BST1: variants seen among roughly 807,000 people sequenced by gnomAD.
The protein encoded by BST1 is ADP-ribosyl cyclase/cyclic ADP-ribose hydrolase 2.
In BST1, 49 loss-of-function variants were observed where a neutral mutation model predicts 40.6. The ratio of observed to expected loss-of-function variants is 1.21; its 90% confidence interval spans 0.96 to 1.53. The LOEUF (loss-of-function observed/expected upper bound fraction) is 1.53. Ranked by LOEUF, BST1 falls within the 40% of genes most tolerant of loss-of-function variation. The pLI, the probability that BST1 is intolerant of heterozygous loss-of-function variation, is 0.00. For synonymous variants in BST1, 157 were observed against 159.3 expected, an observed-to-expected ratio of 0.99 and a Z score of 0.11; for missense variants, 423 against 395.9, an observed-to-expected ratio of 1.07 and a Z score of -0.58.
chr4:15,725,784 C>T (rs1721061558), intron 8 of BST1, among the ~76,000 whole-genome samples: 1 of 152,046 alleles, frequency 6.6e-6, no homozygotes, highest in Non-Finnish European at 1.5e-5. Context: ...TGTCAGTTTT[C>T]TTATCTACAA....
chr4:15,736,600 A>G (rs575608818), downstream of BST1, among the ~76,000 whole-genome samples: 1 of 145,696 alleles, frequency 6.9e-6, no homozygotes, highest in South Asian at 2.2e-4. Flanking sequence ...ATAGAGTGAG[A>G]CTCTGTCTCC....
At chr4:15,753,037 A>T in the BST1 span, among the ~76,000 whole-genome samples, 6 of 151,702 alleles carry the variant, frequency 4.0e-5, no homozygotes, top group African/African-American at 1.5e-4. Context: ...ACTAAGAAAT[A>T]TTTAAATATA....
the BST1 span, among the ~76,000 whole-genome samples, chr4:15,762,103 C>T: frequency 4.2e-5 from 6 of 142,540 alleles, no homozygotes; most frequent in African/African-American, 1.3e-4. Flanking sequence ...GCAGAAGAAT[C>T]GCTTGAACCT....
At chr4:15,729,778 G>A (rs1721286789) in intron 8 of BST1, among the ~76,000 whole-genome samples, 1 of 152,106 alleles carries the variant, frequency 6.6e-6, no homozygotes, top group African/African-American at 2.4e-5. Context: ...CATGAACCGA[G>A]ACATGTAAAC....
chr4:15,741,877 T>C (rs1234884726), downstream of BST1, among the ~76,000 whole-genome samples: 1 of 152,246 alleles, frequency 6.6e-6, no homozygotes, highest in Non-Finnish European at 1.5e-5. Flanking sequence ...GCCTAAAGTC[T>C]GAGGGATTCA....
the BST1 span, among the ~76,000 whole-genome samples, chr4:15,747,635 C>T: frequency 6.6e-6 from 1 of 152,154 alleles, no homozygotes; most frequent in Non-Finnish European, 1.5e-5. Context: ...AGCCAAAGCA[C>T]AGTAGTAAAT....
chr4:15,717,068 C>G (rs1292568983), intron 6 of BST1, among the ~76,000 whole-genome samples: 2 of 152,134 alleles, frequency 1.3e-5, no homozygotes, highest in African/African-American at 4.8e-5. Flanking sequence ...GCATGAGCCA[C>G]CATGCCCGTC....
Position 15,722,906 on chromosome 4 carries a change from AG to A in BST1, c.824del (p.Ser275ThrfsTer8). ...PVKLLQCVDH[S>X]THPDCALKSA... ...GAAGCTCTTACAGTGCGTGGACCAC[AG>A]CACCCATCCTGACTGTGCCTTAAAG... On this transcript the variant is annotated frameshift_variant, in exon 8 of 9. Coordinates refer to ENST00000265016, the MANE Select transcript of BST1 (RefSeq NM_004334.3). LOFTEE classifies it low-confidence loss of function (END_TRUNC). The A allele has an allele frequency of 6.2e-7, 1 of 1,613,884 alleles. No individual in the cohort carries two copies. The highest frequency in any genetic ancestry group is 8.5e-7 in the Non-Finnish European group (1 of 1,179,816).
downstream of BST1, among the ~76,000 whole-genome samples, chr4:15,739,469 A>T (rs1217094652): frequency 2.0e-5 from 3 of 152,096 alleles, no homozygotes; most frequent in Non-Finnish European, 4.4e-5. Context: ...TCATGTAGCT[A>T]TTAAAGGGTA....
chr4:15,739,585 GTGTGTGTGTA>G (rs1425132543), downstream of BST1, among the ~76,000 whole-genome samples: 79 of 144,978 alleles, frequency 5.4e-4, no homozygotes, highest in African/African-American at 1.9e-3. Flanking sequence ...GTGTGTGTGT[GTGTGTGTGTA>G]TTTCTCCCCT....
chr4:15,726,995 C>T lies in BST1; in HGVS notation c.851+4061C>T, dbSNP rs148226341. Among the ~76,000 whole-genome samples, 172 of 152,028 alleles carry T rather than the reference C, an allele frequency of 1.1e-3. 2 individuals carry two copies. The highest frequency in any genetic ancestry group is 3.8e-3 in the African/African-American group (159 of 41,454). On this transcript the variant is annotated intron_variant, in intron 8 of 8. Coordinates refer to ENST00000265016, the MANE Select transcript of BST1 (RefSeq NM_004334.3). ...AAGCAATTCCCCTGCTTCAGCCTCC[C>T]GAGTTTTCCTCAGTATTTCTGAGCA... is the stretch of plus-strand genomic sequence containing the variant.
At chr4:15,750,693 A>G in the BST1 span, among the ~76,000 whole-genome samples, 1 of 152,240 alleles carries the variant, frequency 6.6e-6, no homozygotes, top group South Asian at 2.1e-4. Context: ...AGATAAAAGA[A>G]TATAAAATAT....
At chr4:15,763,203 T>C in the BST1 span, among the ~76,000 whole-genome samples, 1 of 151,932 alleles carries the variant, frequency 6.6e-6, no homozygotes, top group African/African-American at 2.4e-5. Flanking sequence ...CTTTAGAATA[T>C]GTTTTAAAAT....
intron 7 of BST1, among the ~76,000 whole-genome samples, chr4:15,719,718 T>C (rs1720705669): frequency 6.6e-6 from 1 of 152,192 alleles, no homozygotes; most frequent in Admixed American, 6.5e-5. Context: ...TGGTCTTTTG[T>C]TGCCTAACAC....
At chr4:15,748,143 C>T in the BST1 span, among the ~76,000 whole-genome samples, 3 of 152,216 alleles carry the variant, frequency 2.0e-5, no homozygotes, top group African/African-American at 4.8e-5. Flanking sequence ...TTGTATATTA[C>T]GTACCACCAT....
the BST1 span, among the ~76,000 whole-genome samples, chr4:15,772,842 C>CA: frequency 4.8e-3 from 734 of 152,200 alleles, 4 homozygotes; most frequent in African/African-American, 0.017. Context: ...TGGTTGGGGA[C>CA]AGAGAGAAGG....
chr4:15,717,900 C>A (rs937772374), intron 6 of BST1, among the ~76,000 whole-genome samples: 5 of 152,098 alleles, frequency 3.3e-5, no homozygotes. Context: ...TCTGATAATG[C>A]CAAGGTTGCA....
At position 15,732,242 on chromosome 4, in the gene BST1, A is replaced by G. The variant is rs372269426; in HGVS notation, c.*397A>G. On this transcript the variant is annotated 3_prime_UTR_variant, in exon 9 of 9. Coordinates refer to ENST00000265016, the MANE Select transcript of BST1 (RefSeq NM_004334.3). ...TGTTGATTGCTTAAGACATATGTAT[A>G]CTATATAAATGTATGCATATATGGT... 178 of 494,684 alleles carry G rather than the reference A, an allele frequency of 3.6e-4. 1 individual carries two copies. In the Middle Eastern group the frequency reaches 0.015, roughly 41 times the overall value. 30.6% of individuals were successfully genotyped at this position (494,684 alleles called of 1,614,324 possible).
chr4:15,753,162 T>A, the BST1 span, among the ~76,000 whole-genome samples: 1 of 152,238 alleles, frequency 6.6e-6, no homozygotes, highest in Admixed American at 6.5e-5. Context: ...CCCTCCATCT[T>A]CATCTCTCTG....
Sources: gnomAD v4.1 joint callset for allele counts (sites outside exome capture counted in the v4.1 genomes callset) on GRCh38, gnomAD v4.1.1 for gene constraint, MANE v1.5 for transcripts, NCBI Gene and HGNC (gene_info 2026-07-23, HGNC 2026-07-21) for gene names.